The following SLC35F3 variants were observed in gnomAD, a reference collection of about 807,000 sequenced individuals.
SLC35F3 encodes solute carrier family 35 member F3.
A neutral mutation model predicts 49.9 loss-of-function variants in SLC35F3; 25 were observed. That is an observed-to-expected ratio of 0.50 (90% CI 0.37 to 0.70). The LOEUF is 0.70. SLC35F3 is among the 30% of genes least tolerant of loss of function. The pLI, the probability that SLC35F3 is intolerant of heterozygous loss-of-function variation, is 0.00. For missense variants in SLC35F3, 525 were observed against 639.8 expected (o/e 0.82, Z 1.94); for synonymous variants, 275 against 265.4 (o/e 1.04, Z -0.35).
In SLC35F3 at chr1:234,058,328, A is replaced by ATTTTTTTTTTTTT; in HGVS notation, c.283+152588_283+152600dup. Reference sequence around the variant, plus strand: ...TAATTGTCTTTATAAATGTTCCTGAATTTTTTTTTTTTTTTTTTTTTTTTT... The same window carrying ATTTTTTTTTTTTT: ...TAATTGTCTTTATAAATGTTCCTGAATTTTTTTTTTTTTTTTTTTTTTTTTTTTTTTTTTTTTT... On this transcript the variant is annotated intron_variant, in intron 2 of 7. Coordinates refer to ENST00000366618, the MANE Select transcript of SLC35F3 (RefSeq NM_173508.4). Among the ~76,000 whole-genome samples, 47 of 39,796 alleles carry ATTTTTTTTTTTTT rather than the reference A, an allele frequency of 1.2e-3. 9 individuals are homozygous for ATTTTTTTTTTTTT. The highest frequency in any genetic ancestry group is 3.0e-3 in the East Asian group (3 of 988). 26.1% of individuals were successfully genotyped at this position (39,796 alleles called of 152,430 possible). A position where few individuals can be genotyped will look rare whatever the true frequency, so the allele number is the denominator to read the frequency against.
intron 3 of SLC35F3, among the ~76,000 whole-genome samples, chr1:234,301,997 T>C (rs1393365354): frequency 6.6e-6 from 1 of 151,984 alleles, no homozygotes; most frequent in Non-Finnish European, 1.5e-5. Context: ...ATTGAGAACA[T>C]GTGGACACAG....
At chr1:234,154,578 G>A (rs1333214731) in intron 2 of SLC35F3, among the ~76,000 whole-genome samples, 4 of 152,134 alleles carry the variant, frequency 2.6e-5, no homozygotes, top group African/African-American at 7.2e-5. Context: ...GTTATCAGAG[G>A]CCACAGGGGT....
At position 234,255,408 on chromosome 1, in the gene SLC35F3, T is replaced by A. The variant is rs1422134001; in HGVS notation, c.608+23667T>A. 2.0e-5 allele frequency among the ~76,000 whole-genome samples: 3 copies of A among 152,202 alleles called. No homozygotes were observed. The East Asian group carries it at 5.8e-4, about 29-fold the overall frequency. ...CTCTTCTTATTCATTGCTGGGGAAA[T>A]GCAAAATAGCACAGCCACTTTAGAA... On this transcript the variant is annotated intron_variant, in intron 3 of 7. Coordinates refer to ENST00000366618, the MANE Select transcript of SLC35F3 (RefSeq NM_173508.4).
At chr1:234,212,013 A>C (rs6656242) in intron 2 of SLC35F3, among the ~76,000 whole-genome samples, 3,879 of 152,234 alleles carry the variant, frequency 0.025, 59 homozygotes, top group Middle Eastern at 0.037. Context: ...AATAAGTTTC[A>C]TGAGATCTGA....
intron 2 of SLC35F3, among the ~76,000 whole-genome samples, chr1:234,026,447 A>T (rs1231794954): frequency 6.6e-6 from 1 of 152,248 alleles, no homozygotes; most frequent in Admixed American, 6.5e-5. Context: ...CTAACTTCAG[A>T]AGCTACAGTC....
rs567205248 is a variant in SLC35F3 at position 233,976,087 on chromosome 1, C to T, written c.283+70329C>T. Among the ~76,000 whole-genome samples, 536 of 151,884 alleles carry T rather than the reference C, an allele frequency of 3.5e-3. 1 individual carries two copies. Among genetic ancestry groups the T allele is most frequent in the Non-Finnish European group, 5.2e-3 (354 of 67,952 alleles). On this transcript the variant is annotated intron_variant, in intron 2 of 7. Transcript: ENST00000366618. ...TATATAATTTTTGTTATGAAGAAGGCGAAGGAGGAGGAGGGAGGGAGAAAG... is the reference window on the plus strand; with the variant it reads ...TATATAATTTTTGTTATGAAGAAGGTGAAGGAGGAGGAGGGAGGGAGAAAG...
chr1:234,299,575 A>G (rs507013), intron 3 of SLC35F3, among the ~76,000 whole-genome samples: 114,622 of 151,998 alleles, frequency 0.75, 44,158 homozygotes, highest in African/African-American at 0.93. Context: ...GGAGGCCAAG[A>G]CGGGCAGATC....
chr1:234,050,170 G>C (rs1327938767), intron 2 of SLC35F3, among the ~76,000 whole-genome samples: 1 of 152,180 alleles, frequency 6.6e-6, no homozygotes, highest in Non-Finnish European at 1.5e-5. Flanking sequence ...GGATAGCTGG[G>C]TCAAATGGTA....
chr1:233,960,723 AGGAGAAT>A (rs1271661387), intron 2 of SLC35F3, among the ~76,000 whole-genome samples: 1 of 152,220 alleles, frequency 6.6e-6, no homozygotes, highest in Non-Finnish European at 1.5e-5. Context: ...AGATGGGTTT[AGGAGAAT>A]GGCCAGAATG....
At chr1:234,061,322 A>G (rs1389633584) in intron 2 of SLC35F3, among the ~76,000 whole-genome samples, 1 of 152,110 alleles carries the variant, frequency 6.6e-6, no homozygotes, top group Non-Finnish European at 1.5e-5. Flanking sequence ...TTGAGAAGTC[A>G]GCTGTTAATC....
At chr1:234,166,825 G>C (rs1004272853) in intron 2 of SLC35F3, among the ~76,000 whole-genome samples, 2 of 152,184 alleles carry the variant, frequency 1.3e-5, no homozygotes, top group African/African-American at 4.8e-5. Context: ...AAGATCTTGT[G>C]GTTCCTTTCT....
chr1:234,029,903 A>T (rs965810097), intron 2 of SLC35F3, among the ~76,000 whole-genome samples: 1 of 152,152 alleles, frequency 6.6e-6, no homozygotes, highest in African/African-American at 2.4e-5. Context: ...TAAGGATTTG[A>T]TTCTGTACAG....
chr1:234,288,388 A>G (rs770394275), intron 3 of SLC35F3, among the ~76,000 whole-genome samples: 14 of 152,210 alleles, frequency 9.2e-5, no homozygotes, highest in South Asian at 4.1e-4. Context: ...GTGCTTTTCA[A>G]AATAACCCCT....
At chr1:234,262,969 T>C (rs1322277030) in intron 3 of SLC35F3, among the ~76,000 whole-genome samples, 2 of 152,226 alleles carry the variant, frequency 1.3e-5, no homozygotes, top group Non-Finnish European at 2.9e-5. Context: ...GTTGCCACAG[T>C]TCTGGGCTAC....
At chr1:234,009,118 T>A (rs369731314) in intron 2 of SLC35F3, among the ~76,000 whole-genome samples, 1 of 152,276 alleles carries the variant, frequency 6.6e-6, no homozygotes, top group Admixed American at 6.5e-5. Context: ...CCCCCAAAAT[T>A]CCTGCAATTT....
chr1:234,076,068 A>G (rs1389650225), intron 2 of SLC35F3, among the ~76,000 whole-genome samples: 2 of 152,174 alleles, frequency 1.3e-5, no homozygotes, highest in Non-Finnish European at 2.9e-5. Flanking sequence ...GGCAAAATAA[A>G]ATTCTGAAAT....
intron 2 of SLC35F3, among the ~76,000 whole-genome samples, chr1:234,142,326 C>T (rs372571113): frequency 3.3e-5 from 5 of 152,156 alleles, no homozygotes; most frequent in Admixed American, 2.0e-4. Flanking sequence ...ACTCTTTGCA[C>T]TAAAGGTTGG....
At position 233,910,986 on chromosome 1, in the gene SLC35F3, C is replaced by A. The variant is rs575187151; in HGVS notation, c.283+5228C>A. On this transcript the variant is annotated intron_variant, in intron 2 of 7. Coordinates refer to ENST00000366618, the MANE Select transcript of SLC35F3 (RefSeq NM_173508.4). Reference sequence around the variant, plus strand: ...AACATGCAGGTTAATGAACAAATCCCAGCTTATCTGGGTGGAGGTTTTCTA... The same window carrying A: ...AACATGCAGGTTAATGAACAAATCCAAGCTTATCTGGGTGGAGGTTTTCTA... Among the ~76,000 whole-genome samples the A allele has an allele frequency of 4.6e-5, 7 of 152,244 alleles. No homozygotes were observed. In the South Asian group the frequency reaches 1.2e-3, roughly 27 times the overall value.
intron 3 of SLC35F3, among the ~76,000 whole-genome samples, chr1:234,287,015 A>C (rs960046067): frequency 6.6e-6 from 1 of 152,118 alleles, no homozygotes; most frequent in Non-Finnish European, 1.5e-5. Flanking sequence ...AGCCTACAAA[A>C]GTTAAAGTTT....
Sources: gnomAD v4.1 joint callset for allele counts (sites outside exome capture counted in the v4.1 genomes callset) on GRCh38, gnomAD v4.1.1 for gene constraint, MANE v1.5 for transcripts, NCBI Gene and HGNC (gene_info 2026-07-23, HGNC 2026-07-21) for gene names.